The following LRP5 variants were observed in gnomAD, a reference collection of about 807,000 sequenced individuals.
LRP5 encodes the protein LDL receptor related protein 5.
LRP5 carries 62 observed loss-of-function variants against 154.1 expected under a neutral mutation model. The ratio of observed to expected loss-of-function variants is 0.40; its 90% CI spans 0.33 to 0.50. LRP5 has a LOEUF of 0.50. Among genes scored for constraint, LRP5 ranks in the 20% least tolerant of loss-of-function variants. The pLI is 0.55. For synonymous variants in LRP5, 966 were observed against 1,011.5 expected, an observed-to-expected ratio of 0.96 and a Z score of 0.85; for missense variants, 1,915 against 2,336.7, an observed-to-expected ratio of 0.82 and a Z score of 3.72.
At chr11:68,311,210 G>C (rs1406444667), upstream of LRP5, among the ~76,000 whole-genome samples, 1 of 152,174 alleles carries the variant, frequency 6.6e-6, no homozygotes, top group African/African-American at 2.4e-5. Flanking sequence ...TCCTAGCCTG[G>C]CTTCCCATTG....
intron 18 of LRP5, among the ~76,000 whole-genome samples, chr11:68,436,040 G>A (rs1308692089): frequency 1.3e-5 from 2 of 152,160 alleles, no homozygotes; most frequent in Non-Finnish European, 1.5e-5. Flanking sequence ...TCACATTTCC[G>A]TTGAGATTTG....
At position 68,386,297 on chromosome 11, in the gene LRP5, A is replaced by G. The variant is rs373782074; in HGVS notation, c.1016-19A>G. The G allele has an allele frequency of 1.4e-4, 220 of 1,609,144 alleles. No homozygotes were observed. The highest frequency in any genetic ancestry group is 1.8e-4 in the Non-Finnish European group (207 of 1,179,888). The stretch of plus-strand genomic sequence containing the variant: ...CTGCAGGCCCTTGACCCCTGACCCC[A>G]TTGCACCTGTCTCCACAGGAGCCGA... On this transcript the variant is annotated intron_variant, in intron 5 of 22. Transcript: ENST00000294304. This position sits in a 1 kb window ranked among gnomAD's most constrained non-coding sequence, Gnocchi z 7.9.
intron 7 of LRP5, among the ~76,000 whole-genome samples, chr11:68,398,957 G>A (rs1368041392): frequency 1.3e-5 from 2 of 151,976 alleles, no homozygotes; most frequent in Admixed American, 6.6e-5. Flanking sequence ...GGCTTTTCTG[G>A]AACTCCATCT....
intron 5 of LRP5, among the ~76,000 whole-genome samples, chr11:68,384,332 C>G (rs539618495): frequency 3.3e-5 from 5 of 152,240 alleles, no homozygotes; most frequent in African/African-American, 9.6e-5. Context: ...GGCTGCAGGG[C>G]CAGGTCTAGG....
At chr11:68,320,761 T>G (rs2098596303) in intron 1 of LRP5, among the ~76,000 whole-genome samples, 1 of 152,212 alleles carries the variant, frequency 6.6e-6, no homozygotes, top group Non-Finnish European at 1.5e-5. Context: ...GGTGCCAGCC[T>G]GTTTATCTTT....
chr11:68,343,715 C>A (rs1369085918), intron 1 of LRP5, among the ~76,000 whole-genome samples: 2 of 152,216 alleles, frequency 1.3e-5, no homozygotes, highest in East Asian at 1.9e-4. Flanking sequence ...CAACTCTCTT[C>A]CCAGCGAAGG....
At chr11:68,319,707 C>CA in intron 1 of LRP5, among the ~76,000 whole-genome samples, 1 of 152,266 alleles carries the variant, frequency 6.6e-6, no homozygotes, top group East Asian at 1.9e-4. Context: ...AGTGCCATTT[C>CA]ATAGTACACA....
At chr11:68,375,470 C>T (rs1033017784) in intron 5 of LRP5, among the ~76,000 whole-genome samples, 1 of 152,238 alleles carries the variant, frequency 6.6e-6, no homozygotes, top group Non-Finnish European at 1.5e-5. Context: ...GTGCCCACCA[C>T]CTGGAGCACC....
chr11:68,360,996 CAAAAAAAAAA>C (rs71043425), intron 3 of LRP5, among the ~76,000 whole-genome samples: 4 of 15,744 alleles, frequency 2.5e-4, no homozygotes, highest in African/African-American at 5.7e-4. Context: ...GACTCTATCT[CAAAAAAAAAA>C]AAAAAAAAAA....
At chr11:68,443,546 T>C (rs192831008) in intron 21 of LRP5, among the ~76,000 whole-genome samples, 475 of 22,238 alleles carry the variant, frequency 0.021, 11 homozygotes, top group Non-Finnish European at 0.029. Context: ...TTTTATGGCA[T>C]ATATATATAT....
At chr11:68,409,223 T>A (rs996063169) in intron 9 of LRP5, among the ~76,000 whole-genome samples, 28 of 59,856 alleles carry the variant, frequency 4.7e-4, no homozygotes, top group African/African-American at 1.1e-3. Flanking sequence ...ATATAATATA[T>A]AATATAAAAT....
intron 14 of LRP5, among the ~76,000 whole-genome samples, chr11:68,424,485 A>G (rs887713287): frequency 3.9e-5 from 6 of 152,204 alleles, no homozygotes; most frequent in African/African-American, 1.4e-4. Context: ...CCCCGGGTCT[A>G]TAAGGCGGCT....
chr11:68,376,088 T>C (rs2098637172), intron 5 of LRP5, among the ~76,000 whole-genome samples: 1 of 151,742 alleles, frequency 6.6e-6, no homozygotes, highest in Admixed American at 6.6e-5. Flanking sequence ...TGGGGGCCAC[T>C]GCAGCGGTCA....
At chr11:68,374,378 CGGCCG>C (rs2098636185) in intron 5 of LRP5, among the ~76,000 whole-genome samples, 2 of 152,176 alleles carry the variant, frequency 1.3e-5, no homozygotes, top group Admixed American at 1.3e-4. Context: ...GAGTCTGCCG[CGGCCG>C]GGCAGTGATT....
In LRP5 at chr11:68,312,628, G is replaced by A; in HGVS notation, c.-87G>A. ...CGCGGCGCCCGAGGGGGGAGGCGGA[G>A]GCGCCGGGAGCCGCGCGAGGAGCCG... On this transcript the variant is annotated 5_prime_UTR_variant, in exon 1 of 23. Transcript: ENST00000294304. 1 of 538,086 alleles carries A rather than the reference G, an allele frequency of 1.9e-6. No homozygotes were observed. Among genetic ancestry groups the A allele is most frequent in the Non-Finnish European group, 2.4e-6 (1 of 421,526 alleles). The allele number at this position is 538,086 out of a possible 1,614,324, so 33.3% of individuals were successfully genotyped here. A position where few individuals can be genotyped will look rare whatever the true frequency, so the allele number is the denominator to read the frequency against.
intron 6 of LRP5, among the ~76,000 whole-genome samples, chr11:68,388,083 C>A (rs529916706): frequency 6.6e-6 from 1 of 151,860 alleles, no homozygotes; most frequent in Non-Finnish European, 1.5e-5. Flanking sequence ...AGGCAGAGGG[C>A]GGGGCTCGAG....
chr11:68,368,341 G>A (rs969867974), intron 5 of LRP5, among the ~76,000 whole-genome samples: 2 of 152,184 alleles, frequency 1.3e-5, no homozygotes, highest in Admixed American at 6.5e-5. Context: ...CGCCTGAGCC[G>A]GCAGGTCAGA....
chr11:68,365,112 G>A (rs2098630224), intron 4 of LRP5, among the ~76,000 whole-genome samples: 1 of 152,212 alleles, frequency 6.6e-6, no homozygotes, highest in African/African-American at 2.4e-5. Context: ...TTGCCCAGGA[G>A]CCCATTGTCT....
At chr11:68,392,831 A>G (rs1218836938) in intron 7 of LRP5, among the ~76,000 whole-genome samples, 1 of 152,212 alleles carries the variant, frequency 6.6e-6, no homozygotes, top group African/African-American at 2.4e-5. Context: ...GCACGTTATC[A>G]GAACCTCATT....
Sources: allele counts gnomAD v4.1 joint callset (sites outside exome capture counted in the v4.1 genomes callset), GRCh38; gene constraint gnomAD v4.1.1; non-coding constraint Gnocchi (gnomAD v3.1); transcripts MANE v1.5; gene names NCBI Gene and HGNC (gene_info 2026-07-23, HGNC 2026-07-21).